The following ACSBG1 variants were observed in gnomAD, a reference collection of about 807,000 sequenced individuals.
ACSBG1 encodes long-chain-fatty-acid--CoA ligase ACSBG1.
Under a neutral mutation model 80.2 loss-of-function variants are expected in ACSBG1, and 39 were observed. That is an observed-to-expected ratio of 0.49 (90% confidence interval 0.38 to 0.64). The LOEUF is 0.64. Among genes scored for constraint, ACSBG1 ranks in the 30% least tolerant of loss-of-function variants. The pLI, the probability that ACSBG1 is intolerant of heterozygous loss-of-function variation, is 0.00. For synonymous variants in ACSBG1, 392 were observed against 379.5 expected (o/e 1.03, Z -0.38); for missense variants, 828 against 966.4 (o/e 0.86, Z 1.90).
At chr15:78,215,706 AAG>A (rs1222475483) in intron 1 of ACSBG1, among the ~76,000 whole-genome samples, 4 of 146,226 alleles carry the variant, frequency 2.7e-5, no homozygotes, top group African/African-American at 1.0e-4. Context: ...AAAAGAAGGA[AAG>A]AGAGAAAGAA....
chr15:78,178,729 G>A lies in ACSBG1; in HGVS notation c.1587C>T (p.Tyr529=), dbSNP rs1209409983. ...CLWGRTIFMG[Y]LNMEDKTCEA... ...CACAAGTCTTGTCCTCCATGTTCAG[G>A]TAGCCCATGAATATGGTGCGGCCCC... The change falls in exon 11 of 14, where the codon TAC becomes TAT. Residue 529 remains tyrosine (Y), a synonymous_variant. Transcript: ENST00000258873. This position sits in a 1 kb window ranked among gnomAD's most constrained non-coding sequence, Gnocchi z 4.3. The A allele has an allele frequency of 6.2e-7, 1 of 1,614,156 alleles. No homozygotes were observed. The highest frequency in any genetic ancestry group is 1.7e-5 in the Admixed American group (1 of 60,028).
intron 1 of ACSBG1, among the ~76,000 whole-genome samples, chr15:78,219,791 T>C (rs554440496): frequency 6.6e-6 from 1 of 152,298 alleles, no homozygotes; most frequent in African/African-American, 2.4e-5. Flanking sequence ...AAGACCATCC[T>C]GGCTAACATG....
chr15:78,183,803 G>A (rs1025129058), intron 5 of ACSBG1, among the ~76,000 whole-genome samples: 4 of 151,058 alleles, frequency 2.6e-5, no homozygotes, highest in African/African-American at 9.7e-5. Context: ...AGCTACTTGG[G>A]AGGCTGAGGC....
rs774761616 is a variant in ACSBG1, at chr15:78,181,987, G to A, written c.1053C>T (p.Ala351=). ...GACTGACCTTCAGGGCGTCGGGTTCGGCAAAGCAAACCTGGGCCCCCCACT... is the reference window on the plus strand; with the variant it reads ...GACTGACCTTCAGGGCGTCGGGTTCAGCAAAGCAAACCTGGGCCCCCCACT... ...GIQWGAQVCF[A]EPDALKGSLV... Residue 351 remains alanine, a synonymous_variant, in exon 8 of 14, where the codon GCC becomes GCT. Transcript: ENST00000258873. The A allele has an allele frequency of 8.7e-6, 14 of 1,613,878 alleles. No homozygotes were observed. Among genetic ancestry groups the A allele is most frequent in the Admixed American group, 5.0e-5 (3 of 59,972 alleles).
chr15:78,217,807 C>T (rs537894366), intron 1 of ACSBG1, among the ~76,000 whole-genome samples: 52 of 152,200 alleles, frequency 3.4e-4, no homozygotes, highest in Non-Finnish European at 6.6e-4. Flanking sequence ...CCTCGTGATC[C>T]GCCTGCCTCG....
At chr15:78,220,889 T>C (rs1005351051) in intron 1 of ACSBG1, among the ~76,000 whole-genome samples, 6 of 152,242 alleles carry the variant, frequency 3.9e-5, no homozygotes, top group Non-Finnish European at 7.3e-5. Flanking sequence ...TGGAATACCA[T>C]CTGGCAGTTC....
At chr15:78,203,016 G>A (rs1473069847) in intron 2 of ACSBG1, among the ~76,000 whole-genome samples, 1 of 152,162 alleles carries the variant, frequency 6.6e-6, no homozygotes, top group Non-Finnish European at 1.5e-5. Context: ...AATGACATAT[G>A]GAAATGTTCA....
At chr15:78,232,135 C>T (rs998518505) in intron 1 of ACSBG1, among the ~76,000 whole-genome samples, 2 of 152,174 alleles carry the variant, frequency 1.3e-5, no homozygotes, top group Non-Finnish European at 2.9e-5. Flanking sequence ...ATGGGTAACT[C>T]TTATGCTTTG....
intron 2 of ACSBG1, among the ~76,000 whole-genome samples, chr15:78,203,283 G>A (rs565389687): frequency 6.6e-6 from 1 of 152,318 alleles, no homozygotes; most frequent in Admixed American, 6.5e-5. Flanking sequence ...GCCAAGAACG[G>A]GGCCAGGACA....
intron 1 of ACSBG1, among the ~76,000 whole-genome samples, chr15:78,221,017 C>T (rs2075355610): frequency 6.6e-6 from 1 of 152,238 alleles, no homozygotes; most frequent in African/African-American, 2.4e-5. Flanking sequence ...TTCACAGCAG[C>T]ACTTTTCATA....
chr15:78,194,686 G>C lies in ACSBG1; in HGVS notation c.273C>G (p.Arg91=). Residue 91 remains arginine, a synonymous_variant, in exon 3 of 14, where the codon CGC becomes CGG. Transcript: ENST00000258873. ...LWTTRADGRV[R]LRIDPSCPQL... ...GTGGGCAGCTGGGGTCTATGCGCAG[G>C]CGCACCCGCCCATCGGCCCGAGTCG... 1 of 1,613,626 alleles carries C rather than the reference G, an allele frequency of 6.2e-7. No homozygotes were observed. Among genetic ancestry groups the C allele is most frequent in the Non-Finnish European group, 8.5e-7 (1 of 1,179,888 alleles).
Position 78,174,445 on chromosome 15 carries a change from G to A in ACSBG1, c.1782C>T (p.Ile594=), listed in dbSNP as rs752524961. The A allele has an allele frequency of 1.1e-5, 18 of 1,614,198 alleles. No homozygotes were observed. Among genetic ancestry groups the A allele is most frequent in the Non-Finnish European group, 1.4e-5 (16 of 1,180,032 alleles). ...EEAVKMELPI[I]SNAMLIGDQR... ...GGTCCCCAATGAGCATGGCGTTGCTGATGATGGGCAGCTCCATCTTCACGG... is the reference window on the plus strand; with the variant it reads ...GGTCCCCAATGAGCATGGCGTTGCTAATGATGGGCAGCTCCATCTTCACGG... Residue 594 remains isoleucine (I), a synonymous_variant, in exon 12 of 14, where the codon ATC becomes ATT. Transcript: ENST00000258873.
In ACSBG1 at chr15:78,177,534, T is replaced by C. The variant is rs2074894015; in HGVS notation, c.1702+1080A>G. 6.6e-6 allele frequency among the ~76,000 whole-genome samples: 1 copy of C among 152,064 alleles called. No individual in the cohort carries two copies. Among genetic ancestry groups the C allele is most frequent in the African/African-American group, 2.4e-5 (1 of 41,402 alleles). On this transcript the variant is annotated intron_variant, in intron 11 of 13. Coordinates refer to ENST00000258873, the MANE Select transcript of ACSBG1 (RefSeq NM_015162.5). This position sits in a 1 kb window ranked among gnomAD's most constrained non-coding sequence, Gnocchi z 4.1. Reference sequence around the variant, plus strand: ...CCATGCAGGGATGTGGGTCCCCTCATCGGCCATTACAAAGAGGCACACTAG... The same window carrying C: ...CCATGCAGGGATGTGGGTCCCCTCACCGGCCATTACAAAGAGGCACACTAG...
In ACSBG1 at chr15:78,170,126, AGCTTGGGCTTAG is replaced by A. The variant is rs2074801515; in HGVS notation, c.*1306_*1317del. 2 of 152,186 alleles carry A rather than the reference AGCTTGGGCTTAG, an allele frequency of 1.3e-5. No individual in the cohort carries two copies. The highest frequency in any genetic ancestry group is 2.1e-4 in the South Asian group (1 of 4,832). The allele number at this position is 152,186 out of a possible 1,614,324, so 9.4% of individuals were successfully genotyped here. A position where few individuals can be genotyped will look rare whatever the true frequency, so the allele number is the denominator to read the frequency against. On this transcript the variant is annotated 3_prime_UTR_variant, in exon 14 of 14. Transcript: ENST00000258873. The stretch of plus-strand genomic sequence containing the variant: ...TATGCCATGCTGGGGCTTGAGCTTG[AGCTTGGGCTTAG>A]GCTTGGGCTCAGCTTTTGACCCTCA...
chr15:78,233,129 G>A (rs1175020147), intron 1 of ACSBG1, among the ~76,000 whole-genome samples: 1 of 152,222 alleles, frequency 6.6e-6, no homozygotes. Flanking sequence ...AGTCAGTCCA[G>A]CTTTCTTCCA....
At chr15:78,181,680 A>G (rs191430024) in intron 8 of ACSBG1, among the ~76,000 whole-genome samples, 2 of 151,872 alleles carry the variant, frequency 1.3e-5, no homozygotes, top group Non-Finnish European at 2.9e-5. Context: ...TTTTCAGTAG[A>G]GATGGGGTTT....
At chr15:78,219,323 G>A (rs1029211455) in intron 1 of ACSBG1, among the ~76,000 whole-genome samples, 4 of 150,832 alleles carry the variant, frequency 2.7e-5, no homozygotes, top group African/African-American at 9.8e-5. Context: ...CAGGAGAATC[G>A]CTTGAACCTG....
At chr15:78,226,173 T>A (rs1042937720) in intron 1 of ACSBG1, among the ~76,000 whole-genome samples, 1 of 152,218 alleles carries the variant, frequency 6.6e-6, no homozygotes, top group Non-Finnish European at 1.5e-5. Flanking sequence ...AAATGTACAA[T>A]TAAATTGTTA....
intron 8 of ACSBG1, among the ~76,000 whole-genome samples, chr15:78,181,532 T>C (rs1315592672): frequency 6.9e-6 from 1 of 145,810 alleles, no homozygotes; most frequent in Admixed American, 6.9e-5. Flanking sequence ...GCCATGCTGT[T>C]GCCCAGGCTG....
Sources: gnomAD v4.1 joint callset for allele counts (sites outside exome capture counted in the v4.1 genomes callset) on GRCh38, gnomAD v4.1.1 for gene constraint, Gnocchi (gnomAD v3.1) non-coding constraint, MANE v1.5 for transcripts, NCBI Gene and HGNC (gene_info 2026-07-23, HGNC 2026-07-21) for gene names.